Variants in SLC35A2 observed in about 807,000 individuals in gnomAD.
SLC35A2 encodes solute carrier family 35 member A2, also known as UDP-galactose translocator.
Under a neutral mutation model 17.3 loss-of-function variants are expected in SLC35A2, and 1 was observed. The ratio of observed to expected loss-of-function variants is 0.06; its 90% CI spans 0.02 to 0.27. The LOEUF (loss-of-function observed/expected upper bound fraction) is 0.27, where lower values mean the gene tolerates loss of function less well. Ranked by LOEUF, SLC35A2 falls within the 10% of genes least tolerant of loss-of-function variation. The pLI is 1.00. For missense variants in SLC35A2, 191 were observed against 339.3 expected, an observed-to-expected ratio of 0.56 and a Z score of 3.43; for synonymous variants, 161 against 161.3, an observed-to-expected ratio of 1.00 and a Z score of 0.01.
chrX:48,908,123 C>A (rs1325588808), intron 2 of SLC35A2, among the ~76,000 whole-genome samples: 1 of 8,893 alleles, frequency 1.1e-4, no homozygotes, highest in Non-Finnish European at 2.2e-4. Flanking sequence ...TTTGGCGGGG[C>A]GGGGTGGGTG....
intron 4 of SLC35A2, chrX:48,904,517 A>C: frequency 6.2e-6 from 7 of 1,136,197 alleles, no homozygotes; most frequent in Non-Finnish European, 8.2e-6. Context: ...AACCCCCTCC[A>C]GGGGAAGGGG....
At chrX:48,903,668 A>G in intron 4 of SLC35A2, 1 of 821,105 alleles carries the variant, frequency 1.2e-6, no homozygotes, top group South Asian at 3.0e-5. Context: ...TGTTCATTAC[A>G]GTTCCTTAAA....
rs375442287 is a variant in SLC35A2 at position 48,909,825 on chromosome X, G to A, written c.263C>T (p.Ala88Val). ...TCCCTGGTTCGTACCCCTCTTCTGTGCGAAGAGCAGCAGCAGGCAGGTGAG... is the reference window on the plus strand; with the variant it reads ...TCCCTGGTTCGTACCCCTCTTCTGTACGAAGAGCAGCAGCAGGCAGGTGAG... ...KGLTCLLLLF[A>V]QKRGNVKHLV... The change falls in exon 2 of 5, where the codon GCA becomes GTA. Residue 88 changes from alanine to valine, a missense_variant. Ala to Val is a moderately conservative substitution (Grantham distance 64). Transcript: ENST00000247138. 5 of 1,207,649 alleles carry A rather than the reference G, an allele frequency of 4.1e-6. No individual in the cohort carries two copies. Among genetic ancestry groups the A allele is most frequent in the Admixed American group, 2.2e-5 (1 of 45,729 alleles).
intron 2 of SLC35A2, among the ~76,000 whole-genome samples, chrX:48,909,219 G>A (rs1053837936): frequency 2.7e-5 from 3 of 112,261 alleles, no homozygotes; most frequent in African/African-American, 9.7e-5. Flanking sequence ...TCAGGAGTTC[G>A]AGACCATCCT....
chrX:48,905,438 C>A lies in SLC35A2; in HGVS notation c.471G>T (p.Val157=). The change falls in exon 4 of 5, where the codon GTG becomes GTT. Residue 157 remains valine (V), a synonymous_variant. Coordinates refer to ENST00000247138, the MANE Select transcript of SLC35A2 (RefSeq NM_005660.3). ...LKILTTALFS[V]LMLNRSLSRL... is the part of the protein sequence containing the mutation. ...GGGAAAGGCTGCGATTCAGCATGAG[C>A]ACGGAGAACAGCGCTGTGGTCAGGA... The A allele has an allele frequency of 1.7e-6, 2 of 1,174,634 alleles. No homozygotes were observed. Among genetic ancestry groups the A allele is most frequent in the Non-Finnish European group, 2.3e-6 (2 of 881,122 alleles).
intron 2 of SLC35A2, 86 bp from the exon 3 acceptor site, chrX:48,906,629 G>T: frequency 1.1e-6 from 1 of 884,832 alleles, no homozygotes; most frequent in Non-Finnish European, 1.6e-6. Context: ...TTGCTCCTGT[G>T]ACTCCCCCAT....
At chrX:48,911,894 C>T, upstream of SLC35A2, 1 of 1,167,385 alleles carries the variant, frequency 8.6e-7, no homozygotes, top group Non-Finnish European at 1.1e-6. Context: ...ATTCCTGTCA[C>T]TAGACCCGCC....
rs1557043731 is a variant in SLC35A2 at position 48,910,153 on chromosome X, A to T, written c.92-157T>A. ...CCTGCCCTCACCCAATAAGGGTCTG[A>T]CTCCTACCGGCTTACTGCCTCAGCC... On this transcript the variant is annotated intron_variant, in intron 1 of 4. Transcript: ENST00000247138. The T allele has an allele frequency of 1.1e-5, 10 of 890,817 alleles. No homozygotes were observed. The Admixed American group carries it at 2.7e-4, about 24-fold the overall frequency. 73.4% of individuals were successfully genotyped at this position (890,817 alleles called of 1,213,427 possible). A position where few individuals can be genotyped will look rare whatever the true frequency, so the allele number is the denominator to read the frequency against.
chrX:48,905,591 G>A (rs2063485141), intron 3 of SLC35A2, 109 bp from the exon 4 acceptor site: 2 of 768,643 alleles, frequency 2.6e-6, no homozygotes, highest in Non-Finnish European at 3.6e-6. Context: ...GGACAGGGTG[G>A]GGGGTATGAC....
chrX:48,904,804 G>A lies in SLC35A2; in HGVS notation c.1105C>T (p.Pro369Ser), dbSNP rs2063475090. ...CGGTGGGAAGACAGCTGCGGTGGTG[G>A]TGGCTGCCCGGGAGGCTGCTGGTGA... is the stretch of plus-strand genomic sequence containing the variant. ...CVHQQPPGQP[P>S]PPQLSSHRGD... The change falls in exon 4 of 5, where the codon CCA becomes TCA. Residue 369 changes from proline (P) to serine (S), a missense_variant. This residue lies in a region of SLC35A2 where 164 missense variants were observed against 315.3 expected (regional missense o/e 0.52). Transcript: ENST00000247138. The A allele has an allele frequency of 3.3e-6, 4 of 1,209,795 alleles. No individual in the cohort carries two copies. Among genetic ancestry groups the A allele is most frequent in the Non-Finnish European group, 4.5e-6 (4 of 894,933 alleles).
At position 48,907,976 on chromosome X, in the gene SLC35A2, C is replaced by T. The variant is rs1049319823; in HGVS notation, c.275-1433G>A. On this transcript the variant is annotated intron_variant, in intron 2 of 4. Coordinates refer to ENST00000247138, the MANE Select transcript of SLC35A2 (RefSeq NM_005660.3). ...GGCGGAGGTTGCAGTGAGCCAAGAT[C>T]GTGCCATTGCACTCCAGCTCAGACA... is the stretch of plus-strand genomic sequence containing the variant. 5.5e-5 allele frequency among the ~76,000 whole-genome samples: 6 copies of T among 109,702 alleles called. No homozygotes were observed. In the East Asian group the frequency reaches 8.9e-4, roughly 16 times the overall value.
chrX:48,905,297 T>A lies in SLC35A2; in HGVS notation c.612A>T (p.Ala204=). 8.4e-7 allele frequency: 1 copy of A among 1,187,924 alleles called. No homozygotes were observed. Among genetic ancestry groups the A allele is most frequent in the Non-Finnish European group, 1.1e-6 (1 of 883,345 alleles). ...PLDQNPGAGL[A]AVVASCLSSG... ...AGGAGAGACAGGAGGCCACGACGGC[T>A]GCCAGGCCTGCCCCAGGGTTCTGAT... is the stretch of plus-strand genomic sequence containing the variant. Residue 204 remains alanine (A), a synonymous_variant, in exon 4 of 5, where the codon GCA becomes GCT. Coordinates refer to ENST00000247138, the MANE Select transcript of SLC35A2 (RefSeq NM_005660.3).
Position 48,903,270 on chromosome X carries a change from G to A in SLC35A2, c.*168C>T. On this transcript the variant is annotated 3_prime_UTR_variant, in exon 5 of 5. Coordinates refer to ENST00000247138, the MANE Select transcript of SLC35A2 (RefSeq NM_005660.3). ...GGGCTGGGGGGCTGAGCTGAGGTGGGTCATGAGAGAGCTTAGTCATGTTGG... is the reference window on the plus strand; with the variant it reads ...GGGCTGGGGGGCTGAGCTGAGGTGGATCATGAGAGAGCTTAGTCATGTTGG... 1.2e-6 allele frequency: 1 copy of A among 818,579 alleles called. No homozygotes were observed. Among genetic ancestry groups the A allele is most frequent in the East Asian group, 3.4e-5 (1 of 29,273 alleles). 67.5% of individuals were successfully genotyped at this position (818,579 alleles called of 1,213,427 possible).
intron 4 of SLC35A2, chrX:48,904,100 A>G: frequency 1.3e-6 from 1 of 765,445 alleles, no homozygotes; most frequent in South Asian, 6.4e-5. Context: ...CCCCTACCAC[A>G]CCTTCTGCCA....
upstream of SLC35A2, chrX:48,911,736 C>A: frequency 1.7e-6 from 2 of 1,156,661 alleles, no homozygotes; most frequent in African/African-American, 3.5e-5. Flanking sequence ...GAGCGAGAGC[C>A]GGGATCGTCA....
intron 3 of SLC35A2, 110 bp from the exon 4 acceptor site, chrX:48,905,592 G>T (rs2063485175): frequency 1.3e-6 from 1 of 743,168 alleles, no homozygotes; most frequent in African/African-American, 2.1e-5. Context: ...GACAGGGTGG[G>T]GGGTATGACA....
chrX:48,911,798 C>T, upstream of SLC35A2: 1 of 1,167,453 alleles, frequency 8.6e-7, no homozygotes, highest in Middle Eastern at 2.3e-4. Flanking sequence ...TGAATAGCCC[C>T]GGGATTTCCA....
At chrX:48,906,266 G>A (rs1398068749) in intron 3 of SLC35A2, 126 bp downstream of exon 3, 1 of 630,791 alleles carries the variant, frequency 1.6e-6, no homozygotes, top group African/African-American at 2.2e-5. Context: ...GGTTGAAGGA[G>A]TTCCAAGGAC....
Position 48,905,424 on chromosome X carries a change from C to T in SLC35A2, c.485G>A (p.Arg162His), listed in dbSNP as rs782305321. 54 of 1,183,292 alleles carry T rather than the reference C, an allele frequency of 4.6e-5. No individual in the cohort carries two copies. The highest frequency in any genetic ancestry group is 5.7e-5 in the South Asian group (3 of 52,887). ...GGCCCACTGCAGCCGGGAAAGGCTG[C>T]GATTCAGCATGAGCACGGAGAACAG... ...TALFSVLMLN[R>H]SLSRLQWASL... The change falls in exon 4 of 5, where the codon CGC (arginine) becomes CAC (histidine). Residue 162 changes from arginine to histidine, a missense_variant. Coordinates refer to ENST00000247138, the MANE Select transcript of SLC35A2 (RefSeq NM_005660.3).
Sources: gnomAD v4.1 joint callset for allele counts (sites outside exome capture counted in the v4.1 genomes callset) on GRCh38, gnomAD v4.1.1 for gene constraint, gnomAD v4.1.1 regional missense constraint, MANE v1.5 for transcripts, NCBI Gene and HGNC (gene_info 2026-07-23, HGNC 2026-07-21) for gene names.